Variants in COL5A2 observed in about 807,000 individuals in gnomAD.
The protein encoded by COL5A2 is collagen type V alpha 2 chain.
In COL5A2, 23 loss-of-function variants were observed where a neutral mutation model predicts 208.2. The observed-to-expected ratio is 0.11, with a 90% CI of 0.08 to 0.16. The LOEUF is 0.16. Among genes scored for constraint, COL5A2 ranks in the 10% least tolerant of loss-of-function variants. The pLI is 1.00. For synonymous variants in COL5A2, 625 were observed against 628.5 expected, an observed-to-expected ratio of 0.99 and a Z score of 0.08; for missense variants, 1,590 against 1,956.4, an observed-to-expected ratio of 0.81 and a Z score of 3.53.
the COL5A2 span, chr2:189,311,910 G>A: frequency 1.2e-6 from 1 of 854,920 alleles, no homozygotes; most frequent in Non-Finnish European, 2.0e-6. Context: ...TTTATAAAGA[G>A]CAGCTCTGCC....
upstream of COL5A2, among the ~76,000 whole-genome samples, chr2:189,229,617 T>A (rs567265519): frequency 6.9e-4 from 105 of 151,368 alleles, 1 homozygote; most frequent in African/African-American, 2.4e-3. Context: ...TAGGAAAAAA[T>A]TTAACTGAGG....
At chr2:189,350,381 G>T in the COL5A2 span, among the ~76,000 whole-genome samples, 13 of 152,170 alleles carry the variant, frequency 8.5e-5, no homozygotes, top group East Asian at 2.5e-3. Flanking sequence ...AAAACTTTAA[G>T]ACATAGACTT....
At chr2:189,134,006 C>T (rs1015041346) in intron 1 of COL5A2, among the ~76,000 whole-genome samples, 1 of 151,934 alleles carries the variant, frequency 6.6e-6, no homozygotes, top group Non-Finnish European at 1.5e-5. Flanking sequence ...TTTATGAAAG[C>T]TCTTCTTTCA....
At chr2:189,078,609 A>G in intron 15 of COL5A2, 40 bp from the exon 16 acceptor site, 1 of 1,526,810 alleles carries the variant, frequency 6.5e-7, no homozygotes, top group Non-Finnish European at 9.1e-7. Flanking sequence ...GAAGCACCTA[A>G]TTTGAAATGT....
the COL5A2 span, among the ~76,000 whole-genome samples, chr2:189,327,008 TTGCAGTGAG>T: frequency 7.1e-4 from 107 of 151,150 alleles, 1 homozygote; most frequent in African/African-American, 2.6e-3. Context: ...GAGGCAAAGG[TTGCAGTGAG>T]CACAGATCAT....
the COL5A2 span, among the ~76,000 whole-genome samples, chr2:189,251,182 T>A: frequency 6.6e-6 from 1 of 152,092 alleles, no homozygotes; most frequent in South Asian, 2.1e-4. Flanking sequence ...TTAGAAGGAT[T>A]ATAATAATAA....
intron 1 of COL5A2, among the ~76,000 whole-genome samples, chr2:189,203,133 T>C (rs534970845): frequency 6.6e-6 from 1 of 152,216 alleles, no homozygotes; most frequent in African/African-American, 2.4e-5. Context: ...TATGTACAGG[T>C]CAAAGAAATA....
At chr2:189,044,123 C>T (rs933437611) in intron 47 of COL5A2, among the ~76,000 whole-genome samples, 8 of 152,116 alleles carry the variant, frequency 5.3e-5, no homozygotes, top group Non-Finnish European at 1.5e-5. Context: ...GATTCTGTTG[C>T]TTTTAGTGTT....
chr2:189,097,449 T>C (rs1186034838), intron 5 of COL5A2, 119 bp from the exon 6 acceptor site: 20 of 1,011,326 alleles, frequency 2.0e-5, no homozygotes, highest in African/African-American at 8.0e-5. Flanking sequence ...TTCAGTTCAG[T>C]TGAAGACTAT....
chr2:189,285,987 C>A, the COL5A2 span, among the ~76,000 whole-genome samples: 1 of 151,834 alleles, frequency 6.6e-6, no homozygotes, highest in African/African-American at 2.4e-5. Context: ...ATGTCTCTGA[C>A]ACTACCTTAT....
chr2:189,165,648 A>T (rs1302897175), intron 1 of COL5A2, among the ~76,000 whole-genome samples: 1 of 152,228 alleles, frequency 6.6e-6, no homozygotes, highest in Non-Finnish European at 1.5e-5. Flanking sequence ...CTTAAAGAAG[A>T]TCAGGAACTT....
At chr2:189,362,908 T>C in the COL5A2 span, among the ~76,000 whole-genome samples, 1 of 152,098 alleles carries the variant, frequency 6.6e-6, no homozygotes, top group Non-Finnish European at 1.5e-5. Context: ...TAATTAGATA[T>C]GTAAGTTTTT....
intron 12 of COL5A2, among the ~76,000 whole-genome samples, chr2:189,083,247 A>G (rs1431506575): frequency 6.6e-6 from 1 of 152,164 alleles, no homozygotes; most frequent in Non-Finnish European, 1.5e-5. Flanking sequence ...AGCGTAACAC[A>G]TTCTAGAAGA....
the COL5A2 span, among the ~76,000 whole-genome samples, chr2:189,364,310 C>A: frequency 6.6e-6 from 1 of 152,162 alleles, no homozygotes; most frequent in African/African-American, 2.4e-5. Flanking sequence ...ATTAACTATA[C>A]AAGAGAAAGA....
chr2:189,361,966 T>A, the COL5A2 span, among the ~76,000 whole-genome samples: 1 of 152,158 alleles, frequency 6.6e-6, no homozygotes, highest in Non-Finnish European at 1.5e-5. Flanking sequence ...ATGTTGCCTA[T>A]CTCTTAGCCA....
At chr2:189,414,343 G>A in the COL5A2 span, among the ~76,000 whole-genome samples, 1 of 151,964 alleles carries the variant, frequency 6.6e-6, no homozygotes, top group African/African-American at 2.4e-5. Flanking sequence ...TGCACAGATG[G>A]TTCCTGCTCA....
intron 1 of COL5A2, among the ~76,000 whole-genome samples, chr2:189,162,320 A>G (rs893885538): frequency 6.6e-6 from 1 of 152,242 alleles, no homozygotes; most frequent in South Asian, 2.1e-4. Context: ...TGAATAAATG[A>G]AGGTAAATGC....
At chr2:189,051,928 T>C (rs1390100445) in intron 41 of COL5A2, among the ~76,000 whole-genome samples, 1 of 152,182 alleles carries the variant, frequency 6.6e-6, no homozygotes, top group African/African-American at 2.4e-5. Flanking sequence ...ATTCAGTATT[T>C]AAACGGAATA....
At chr2:189,118,363 A>G (rs1435211003) in intron 1 of COL5A2, among the ~76,000 whole-genome samples, 6 of 152,064 alleles carry the variant, frequency 3.9e-5, no homozygotes, top group African/African-American at 1.4e-4. Flanking sequence ...ACATTTTAGA[A>G]TCAATTTAAC....
Sources: gnomAD v4.1 joint callset for allele counts (sites outside exome capture counted in the v4.1 genomes callset) on GRCh38, gnomAD v4.1.1 for gene constraint, MANE v1.5 for transcripts, NCBI Gene and HGNC (gene_info 2026-07-23, HGNC 2026-07-21) for gene names.